POLR2F: variants seen among roughly 807,000 people sequenced by gnomAD.
POLR2F encodes RNA polymerase II, I and III subunit F, also known as DNA-directed RNA polymerases I, II, and III subunit RPABC2.
POLR2F carries 12 observed loss-of-function variants against 22.7 expected under a neutral mutation model. That is an observed-to-expected ratio of 0.53 (90% CI 0.34 to 0.86). POLR2F has a LOEUF of 0.86. POLR2F is among the 40% of genes least tolerant of loss of function. The pLI, the probability that POLR2F is intolerant of heterozygous loss-of-function variation, is 0.02. For missense variants in POLR2F, 126 were observed against 171.5 expected, an observed-to-expected ratio of 0.73 and a Z score of 1.48; for synonymous variants, 57 against 66.0, an observed-to-expected ratio of 0.86 and a Z score of 0.66.
chr22:38,006,467 C>T (rs1292516382), intron 1 of POLR2F, among the ~76,000 whole-genome samples: 1 of 152,180 alleles, frequency 6.6e-6, no homozygotes, highest in East Asian at 1.9e-4. Context: ...TTAGCAGGCA[C>T]ATACTGTGTG....
In POLR2F at chr22:37,968,222, C is replaced by T; in HGVS notation, c.*507C>T. The T allele has an allele frequency of 1.0e-6, 1 of 985,496 alleles. No homozygotes were observed. The highest frequency in any genetic ancestry group is 1.2e-6 in the Non-Finnish European group (1 of 829,994). The allele number at this position is 985,496 out of a possible 1,614,324, so 61.0% of individuals were successfully genotyped here. On this transcript the variant is annotated 3_prime_UTR_variant, in exon 5 of 5. Coordinates refer to ENST00000442738, the MANE Select transcript of POLR2F (RefSeq NM_021974.5). ...CGGATCCCCTTTCAGGAGCAGTGCC[C>T]CAGCAGGAAGCGTGGGGGTGTGCTG...
chr22:37,954,460 G>T (rs142065932), intron 1 of POLR2F, among the ~76,000 whole-genome samples: 380 of 152,234 alleles, frequency 2.5e-3, no homozygotes, highest in Non-Finnish European at 4.3e-3. Context: ...GCACCACCAC[G>T]CCTTGCTAAT....
At position 37,974,614 on chromosome 22, in the gene POLR2F, A is replaced by G. The variant is rs1010542143; in HGVS notation, c.293+7444A>G. 1.3e-5 allele frequency among the ~76,000 whole-genome samples: 2 copies of G among 152,060 alleles called. No homozygotes were observed. The highest frequency in any genetic ancestry group is 2.9e-5 in the Non-Finnish European group (2 of 67,992). On this transcript the variant is annotated intron_variant, in intron 4 of 4. Transcript: ENST00000405557. This position sits in a 1 kb window ranked among gnomAD's most constrained non-coding sequence, Gnocchi z 5.4. ...GTGATCCACCTGCCTCGGCCTCCCA[A>G]AGTGCTGGGATTACCATCATGAGCC...
At chr22:38,006,258 A>C (rs932665757) in intron 1 of POLR2F, among the ~76,000 whole-genome samples, 1 of 152,186 alleles carries the variant, frequency 6.6e-6, no homozygotes, top group Non-Finnish European at 1.5e-5. Flanking sequence ...TGAGCTGCAA[A>C]AACGCTGGTC....
At chr22:37,965,680 T>G (rs1482678904) in intron 3 of POLR2F, among the ~76,000 whole-genome samples, 1 of 152,188 alleles carries the variant, frequency 6.6e-6, no homozygotes, top group Non-Finnish European at 1.5e-5. Flanking sequence ...TTCAGGCTTT[T>G]GGGAGTAATA....
chr22:38,036,678 G>A (rs2085119144), intron 5 of POLR2F, among the ~76,000 whole-genome samples: 1 of 151,868 alleles, frequency 6.6e-6, no homozygotes, highest in Admixed American at 6.6e-5. Flanking sequence ...TTCTGACCTT[G>A]ACCTCCAGAG....
At position 38,017,011 on chromosome 22, in the gene POLR2F, C is replaced by T. The variant is rs927082456; in HGVS notation, c.121-8858C>T. Among the ~76,000 whole-genome samples, 13 of 152,126 alleles carry T rather than the reference C, an allele frequency of 8.5e-5. No individual in the cohort carries two copies. The highest frequency in any genetic ancestry group is 7.2e-4 in the Admixed American group (11 of 15,288). ...CAGCGCAAGGGGCCAGCCAGCCCCC[C>T]ACCCCAGCCTCTGCTGCCTGGCACC... On this transcript the variant is annotated intron_variant, in intron 1 of 2. Coordinates refer to the POLR2F transcript ENST00000333418. This position sits in a 1 kb window ranked among gnomAD's most constrained non-coding sequence, Gnocchi z 4.1.
chr22:37,998,546 G>T (rs1488555041), intron 1 of POLR2F, among the ~76,000 whole-genome samples: 1 of 152,208 alleles, frequency 6.6e-6, no homozygotes. Flanking sequence ...CCACCCTGGG[G>T]ACTTTATTCC....
rs1931923667 is a variant in POLR2F, at chr22:37,967,933, G to A, written c.*218G>A. ...CCTTAAGAAGCACCAGGGGCCCTTA[G>A]CCCCTTTGGATCCCCCACATCCTTC... On this transcript the variant is annotated 3_prime_UTR_variant, in exon 5 of 5. Coordinates refer to ENST00000442738, the MANE Select transcript of POLR2F (RefSeq NM_021974.5). 1 of 1,249,410 alleles carries A rather than the reference G, an allele frequency of 8.0e-7. No individual in the cohort carries two copies. The highest frequency in any genetic ancestry group is 3.8e-5 in the East Asian group (1 of 26,602). The allele number at this position is 1,249,410 out of a possible 1,614,324, so 77.4% of individuals were successfully genotyped here.
chr22:37,966,947 G>GC (rs1931875516), intron 3 of POLR2F, 152 bp from the exon 4 acceptor site: 3 of 584,218 alleles, frequency 5.1e-6, no homozygotes, highest in Non-Finnish European at 9.0e-6. Context: ...AAGATCTCTG[G>GC]CAGTGCCCCT....
chr22:37,953,923 C>T (rs1455581786), intron 1 of POLR2F, 116 bp downstream of exon 1: 1 of 1,243,580 alleles, frequency 8.0e-7, no homozygotes. Flanking sequence ...GACTGGGGTC[C>T]TGAGGGGGCC....
intron 1 of POLR2F, among the ~76,000 whole-genome samples, chr22:38,005,641 A>G (rs1266611595): frequency 1.3e-5 from 2 of 152,222 alleles, no homozygotes; most frequent in Non-Finnish European, 2.9e-5. Context: ...TGCAGGAGCC[A>G]GGGTGAGGGA....
downstream of POLR2F, chr22:38,041,173 G>A (rs2085168859): frequency 1.9e-6 from 3 of 1,609,220 alleles, no homozygotes; most frequent in Admixed American, 3.3e-5. Flanking sequence ...TAGTGCTGGT[G>A]GTGGGGACTG....
downstream of POLR2F, chr22:37,973,985 T>G (rs371513888): frequency 9.3e-6 from 15 of 1,612,874 alleles, no homozygotes; most frequent in Non-Finnish European, 1.3e-5. Context: ...TGGGTGCCCA[T>G]TGGGCGGCAG....
intron 3 of POLR2F, among the ~76,000 whole-genome samples, chr22:37,963,064 G>T (rs907601556): frequency 2.6e-5 from 4 of 151,754 alleles, no homozygotes; most frequent in Non-Finnish European, 4.4e-5. Flanking sequence ...TTGGCTCACT[G>T]CATCCTCCGC....
chr22:37,982,483 T>C (rs777252230), upstream of POLR2F, among the ~76,000 whole-genome samples: 2 of 152,122 alleles, frequency 1.3e-5, no homozygotes, highest in African/African-American at 4.8e-5. Context: ...AATTGCTCCC[T>C]GCGGGGGATG....
chr22:37,975,450 C>CT (rs1467258832), intron 4 of POLR2F, among the ~76,000 whole-genome samples: 1 of 152,144 alleles, frequency 6.6e-6, no homozygotes. Context: ...GGTGGTTGCT[C>CT]TGTATGTGGT....
intron 2 of POLR2F, 111 bp from the exon 3 acceptor site, chr22:37,959,235 G>T: frequency 5.7e-6 from 6 of 1,057,040 alleles, no homozygotes; most frequent in Non-Finnish European, 7.1e-6. Context: ...CTGGCATGCA[G>T]TAAGCATTAA....
chr22:38,005,365 T>A (rs1200947594), intron 1 of POLR2F, among the ~76,000 whole-genome samples: 1 of 152,246 alleles, frequency 6.6e-6, no homozygotes, highest in African/African-American at 2.4e-5. Context: ...CCTCAAGTGA[T>A]CTGCCCACCT....
Sources: gnomAD v4.1 joint callset for allele counts (sites outside exome capture counted in the v4.1 genomes callset) on GRCh38, gnomAD v4.1.1 for gene constraint, Gnocchi (gnomAD v3.1) non-coding constraint, MANE v1.5 for transcripts, NCBI Gene and HGNC (gene_info 2026-07-23, HGNC 2026-07-21) for gene names.